The following IL6ST variants were observed in gnomAD, a reference collection of about 807,000 sequenced individuals.
The protein encoded by IL6ST is interleukin 6 cytokine family signal transducer.
A neutral mutation model predicts 91.3 loss-of-function variants in IL6ST; 24 were observed. The ratio of observed to expected loss-of-function variants is 0.26; its 90% CI spans 0.19 to 0.37. The LOEUF (loss-of-function observed/expected upper bound fraction) is 0.37. Among genes scored for constraint, IL6ST ranks in the 10% least tolerant of loss-of-function variants. IL6ST has a pLI of 1.00. For synonymous variants in IL6ST, 351 were observed against 373.6 expected (o/e 0.94, Z 0.70); for missense variants, 914 against 1,078.5 (o/e 0.85, Z 2.14).
Position 55,952,272 on chromosome 5 carries a change from T to C in IL6ST, c.1530A>G (p.Ile510Met), listed in dbSNP as rs1751682073. ...YADGPGSPES[I>M]KAYLKQAPPS... Reference sequence around the variant, plus strand: ...TACGAGCTTGTTTAAGGTATGCCTTTATGGATTCAGGGCTTCCTGGTCCAT... The same window carrying C: ...TACGAGCTTGTTTAAGGTATGCCTTCATGGATTCAGGGCTTCCTGGTCCAT... The change falls in exon 12 of 17, where the codon ATA becomes ATG. Residue 510 changes from isoleucine to methionine, a missense_variant. Ile to Met is a conservative substitution (Grantham distance 10). Transcript: ENST00000381298. The C allele has an allele frequency of 6.2e-7, 1 of 1,610,614 alleles. No individual in the cohort carries two copies. Among genetic ancestry groups the C allele is most frequent in the Non-Finnish European group, 8.5e-7 (1 of 1,177,384 alleles).
Position 55,947,600 on chromosome 5 carries a change from A to G in IL6ST, c.1841-11T>C. 7.2e-7 allele frequency: 1 copy of G among 1,392,224 alleles called. No individual in the cohort carries two copies. The highest frequency in any genetic ancestry group is 2.2e-5 in the Admixed American group (1 of 45,100). The allele number at this position is 1,392,224 out of a possible 1,614,324, so 86.2% of individuals were successfully genotyped here. ...CAATTTCTCCTTGAGCTTAAAAAAA[A>G]AAAAAAAAAAAAAAAAAGAGGTGTG... On this transcript the variant is annotated splice_polypyrimidine_tract_variant and intron_variant, in intron 14 of 16. Coordinates refer to ENST00000381298, the MANE Select transcript of IL6ST (RefSeq NM_002184.4).
chr5:55,969,940 G>T, intron 3 of IL6ST, 85 bp from the exon 4 acceptor site: 1 of 814,140 alleles, frequency 1.2e-6, no homozygotes, highest in Non-Finnish European at 2.0e-6. Context: ...TCAATGTAGA[G>T]TCCCTCAACC....
At chr5:55,971,236 C>T (rs1332178603) in intron 3 of IL6ST, among the ~76,000 whole-genome samples, 2 of 152,230 alleles carry the variant, frequency 1.3e-5, no homozygotes, top group African/African-American at 4.8e-5. Context: ...AGTCATCTTC[C>T]AACATCTCCA....
In IL6ST at chr5:55,956,096, G is replaced by A; in HGVS notation, c.1196C>T (p.Thr399Ile). ...GCCAACAAGATTTCTTACTGTTAGG[G>A]TTGCTAGATAGCGATCATTTGTGAG... is the stretch of plus-strand genomic sequence containing the variant. Reference protein sequence around the residue: ...VNLTNDRYLATLTVRNLVGKS... With the variant: ...VNLTNDRYLAILTVRNLVGKS... Residue 399 changes from threonine to isoleucine, a missense_variant, in exon 10 of 17, where the codon ACC becomes ATC. Thr to Ile is a moderately conservative substitution (Grantham distance 89, BLOSUM62 -1). Transcript: ENST00000381298. 2 of 1,613,482 alleles carry A rather than the reference G, an allele frequency of 1.2e-6. No homozygotes were observed. Among genetic ancestry groups the A allele is most frequent in the Non-Finnish European group, 1.7e-6 (2 of 1,179,452 alleles).
intron 10 of IL6ST, among the ~76,000 whole-genome samples, chr5:55,955,441 T>A (rs1360685388): frequency 6.6e-6 from 1 of 152,006 alleles, no homozygotes; most frequent in African/African-American, 2.4e-5. Context: ...AGCAAGACTG[T>A]CTCAAAAAGA....
chr5:55,951,001 C>T (rs990877844), intron 14 of IL6ST, among the ~76,000 whole-genome samples: 5 of 151,708 alleles, frequency 3.3e-5, no homozygotes, highest in Non-Finnish European at 7.4e-5. Flanking sequence ...GCATGCAGTA[C>T]ATATGATGAT....
intron 1 of IL6ST, among the ~76,000 whole-genome samples, chr5:55,985,350 A>G (rs755104344): frequency 2.0e-5 from 3 of 151,928 alleles, no homozygotes; most frequent in Non-Finnish European, 4.4e-5. Context: ...CCCTGTCTCT[A>G]CTAAAATATT....
intron 11 of IL6ST, among the ~76,000 whole-genome samples, chr5:55,953,140 A>G (rs888199459): frequency 2.9e-4 from 44 of 152,210 alleles, no homozygotes; most frequent in African/African-American, 1.1e-3. Context: ...TTATTTATAC[A>G]GTATATTATC....
intron 2 of IL6ST, among the ~76,000 whole-genome samples, chr5:55,977,857 G>T (rs758649078): frequency 6.6e-6 from 1 of 152,066 alleles, no homozygotes; most frequent in African/African-American, 2.4e-5. Context: ...CACACGCCAG[G>T]TGTGGTGGTG....
chr5:55,954,502 A>G (rs997773172), intron 11 of IL6ST, among the ~76,000 whole-genome samples: 43 of 152,332 alleles, frequency 2.8e-4, no homozygotes, highest in African/African-American at 9.6e-4. Flanking sequence ...CAGAGAACAT[A>G]TAACTAATCA....
At chr5:55,985,719 G>C (rs1230833788) in intron 1 of IL6ST, among the ~76,000 whole-genome samples, 1 of 152,168 alleles carries the variant, frequency 6.6e-6, no homozygotes, top group Non-Finnish European at 1.5e-5. Context: ...TTTCTCAAGT[G>C]AATTGCCTTT....
intron 3 of IL6ST, among the ~76,000 whole-genome samples, chr5:55,970,540 T>C (rs139284108): frequency 2.6e-5 from 4 of 152,068 alleles, no homozygotes; most frequent in African/African-American, 4.8e-5. Flanking sequence ...CAAAAAAAAT[T>C]AGCCGAGCAT....
intron 3 of IL6ST, among the ~76,000 whole-genome samples, chr5:55,970,614 A>C (rs1051513619): frequency 3.9e-5 from 6 of 152,252 alleles, no homozygotes; most frequent in Admixed American, 2.0e-4. Context: ...CTTGAGCCCA[A>C]GGGGTCAAGG....
At position 55,936,626 on chromosome 5, in the gene IL6ST, TAG is replaced by T; in HGVS notation, c.*4454_*4455del. 1.0e-5 allele frequency: 2 copies of T among 196,804 alleles called. No homozygotes were observed. The highest frequency in any genetic ancestry group is 2.1e-5 in the Non-Finnish European group (2 of 94,840). The allele number at this position is 196,804 out of a possible 1,614,324, so 12.2% of individuals were successfully genotyped here. ...GTTACAAATATGCATAGTCAGATGA[TAG>T]TAACCACATACAGAAAAAAAATTTG... On this transcript the variant is annotated 3_prime_UTR_variant, in exon 17 of 17. Coordinates refer to ENST00000381298, the MANE Select transcript of IL6ST (RefSeq NM_002184.4).
At chr5:55,984,722 T>C (rs1753857958) in intron 1 of IL6ST, among the ~76,000 whole-genome samples, 1 of 152,208 alleles carries the variant, frequency 6.6e-6, no homozygotes, top group Non-Finnish European at 1.5e-5. Flanking sequence ...CTCTGGCATT[T>C]TGGATTTCAG....
intron 2 of IL6ST, among the ~76,000 whole-genome samples, chr5:55,977,316 C>T (rs955485066): frequency 6.6e-6 from 1 of 151,766 alleles, no homozygotes; most frequent in Admixed American, 6.6e-5. Context: ...CTGTCTCAAA[C>T]TCCTGGGCTC....
At chr5:55,970,158 T>C (rs2111817161) in intron 3 of IL6ST, among the ~76,000 whole-genome samples, 2 of 152,330 alleles carry the variant, frequency 1.3e-5, no homozygotes, top group Admixed American at 1.3e-4. Flanking sequence ...GATTCATACT[T>C]GCCCCACAAC....
intron 1 of IL6ST, among the ~76,000 whole-genome samples, chr5:55,988,728 T>C (rs1174814437): frequency 6.9e-6 from 1 of 145,564 alleles, no homozygotes; most frequent in Non-Finnish European, 1.5e-5. Flanking sequence ...ATGTCGCCAC[T>C]GCACTCCAGC....
rs567090438 is a variant in IL6ST at position 55,935,828 on chromosome 5, A to C, written c.*5254T>G. 27 of 215,726 alleles carry C rather than the reference A, an allele frequency of 1.3e-4. No individual in the cohort carries two copies. The highest frequency in any genetic ancestry group is 2.5e-4 in the Non-Finnish European group (27 of 106,688). 13.4% of individuals were successfully genotyped at this position (215,726 alleles called of 1,614,324 possible). A position where few individuals can be genotyped will look rare whatever the true frequency, so the allele number is the denominator to read the frequency against. ...AAAACTCTCTCACTGCCTTTGGGCT[A>C]GAGAAAGAGTATGCTCTCAAGGAGT... On this transcript the variant is annotated 3_prime_UTR_variant, in exon 17 of 17. Transcript: ENST00000381298.
Sources: allele counts gnomAD v4.1 joint callset (sites outside exome capture counted in the v4.1 genomes callset), GRCh38; gene constraint gnomAD v4.1.1; transcripts MANE v1.5; gene names NCBI Gene and HGNC (gene_info 2026-07-23, HGNC 2026-07-21).